Variants in ARVCF observed in about 807,000 individuals in gnomAD.
ARVCF encodes splicing regulator ARVCF.
Under a neutral mutation model 90.9 loss-of-function variants are expected in ARVCF, and 66 were observed. That is an observed-to-expected ratio of 0.73 (90% CI 0.60 to 0.89). ARVCF has a LOEUF of 0.89. ARVCF is among the 40% of genes least tolerant of loss of function. The probability of loss-of-function intolerance (pLI) is 0.00; values close to 1 mark genes in which losing one functional copy is unlikely to be tolerated. For synonymous variants in ARVCF, 653 were observed against 603.4 expected (o/e 1.08, Z -1.21); for missense variants, 1,469 against 1,382.3 (o/e 1.06, Z -1.00).
Position 19,973,290 on chromosome 22 carries a change from C to A in ARVCF, c.2267G>T (p.Arg756Leu). The change falls in exon 14 of 20, where the codon CGG becomes CTG. Residue 756 changes from arginine (R) to leucine (L), a missense_variant. By Grantham distance (102) the Arg-to-Leu change is moderately radical. Transcript: ENST00000263207. ...IGSYAMAELVRNVRNAQAPPR... is the reference protein window; with the variant it reads ...IGSYAMAELVLNVRNAQAPPR... ...CGGAGCCTGTGCATTGCGCACATTC[C>A]GCACAAGCTCAGCCATGGCGTAGCT... 5 of 1,604,802 alleles carry A rather than the reference C, an allele frequency of 3.1e-6. No homozygotes were observed. The highest frequency in any genetic ancestry group is 4.2e-6 in the Non-Finnish European group (5 of 1,178,342).
chr22:19,967,045 G>A (rs1351327876), downstream of ARVCF: 4 of 1,209,640 alleles, frequency 3.3e-6, no homozygotes, highest in Non-Finnish European at 4.2e-6. Context: ...GGCAGGACAG[G>A]TGCTGCCTTC....
In ARVCF at chr22:19,972,779, C is replaced by T. The variant is rs989771328; in HGVS notation, c.2599G>A (p.Gly867Ser). The change falls in exon 16 of 20, where the codon GGC becomes AGC. Residue 867 changes from glycine (G) to serine (S), a missense_variant. Physicochemically the swap from Gly to Ser is moderately conservative, Grantham distance 56 (BLOSUM62 0). Coordinates refer to ENST00000263207, the MANE Select transcript of ARVCF (RefSeq NM_001670.3). ...KGPKGALSPG[G>S]FDDSTLPLVD... is the part of the protein sequence containing the mutation. ...AGTGGCAGCGTGCTGTCATCGAAGC[C>T]CCCAGGACTCAGTGCTCCCTTAGGC... 5.6e-6 allele frequency: 9 copies of T among 1,613,414 alleles called. No homozygotes were observed. The highest frequency in any genetic ancestry group is 5.5e-5 in the South Asian group (5 of 91,064).
intron 1 of ARVCF, among the ~76,000 whole-genome samples, chr22:20,015,637 G>A (rs1470380855): frequency 2.6e-5 from 4 of 152,106 alleles, no homozygotes; most frequent in African/African-American, 9.7e-5. Flanking sequence ...GTCGGGAGAG[G>A]TGGAGGCTCC....
rs578096972 is a variant in ARVCF, at chr22:19,990,185, G to A, written c.210+400C>T. On this transcript the variant is annotated intron_variant, in intron 3 of 19. Coordinates refer to ENST00000263207, the MANE Select transcript of ARVCF (RefSeq NM_001670.3). Reference sequence around the variant, plus strand: ...ATGAGGCTCCCAGGTCAGCCTCTAAGCTGCAGGCAGAGCTCTGGGCCTCCT... The same window carrying A: ...ATGAGGCTCCCAGGTCAGCCTCTAAACTGCAGGCAGAGCTCTGGGCCTCCT... 2.6e-5 allele frequency among the ~76,000 whole-genome samples: 4 copies of A among 152,314 alleles called. No individual in the cohort carries two copies. The South Asian group carries it at 6.2e-4, about 24-fold the overall frequency.
intron 9 of ARVCF, 62 bp downstream of exon 9, chr22:19,977,353 G>C: frequency 6.8e-7 from 1 of 1,465,498 alleles, no homozygotes; most frequent in Non-Finnish European, 9.0e-7. Context: ...GGTGTACAGA[G>C]AGCCTTCCGC....
intron 2 of ARVCF, among the ~76,000 whole-genome samples, chr22:19,992,635 C>A (rs1223923185): frequency 6.6e-6 from 1 of 152,216 alleles, no homozygotes; most frequent in Admixed American, 6.5e-5. Context: ...CTCAGCCGAA[C>A]CTCAGAAGCA....
downstream of ARVCF, chr22:19,968,516 A>AC (rs778615118): frequency 1.9e-6 from 3 of 1,598,466 alleles, no homozygotes; most frequent in Non-Finnish European, 1.7e-6. Flanking sequence ...CACCTCCCCC[A>AC]CCCCCCGGTC....
At chr22:20,001,079 T>G (rs1331927279) in intron 2 of ARVCF, among the ~76,000 whole-genome samples, 1 of 152,246 alleles carries the variant, frequency 6.6e-6, no homozygotes, top group African/African-American at 2.4e-5. Context: ...TTATCCCACC[T>G]AGAAGTCCCG....
At chr22:19,971,373 C>T (rs952093208) in intron 18 of ARVCF, 38 bp from the exon 19 acceptor site, 2 of 1,535,472 alleles carry the variant, frequency 1.3e-6, no homozygotes, top group Non-Finnish European at 8.8e-7. Context: ...CACAATAGAG[C>T]AGGTTAGTTA....
chr22:19,970,147 G>A lies in ARVCF; in HGVS notation c.*609C>T, dbSNP rs953740158. On this transcript the variant is annotated 3_prime_UTR_variant, in exon 20 of 20. Coordinates refer to ENST00000263207, the MANE Select transcript of ARVCF (RefSeq NM_001670.3). ...CTGGAGAAAGGCTCTCTACTGCACA[G>A]GGGCCTCACGTGACTGCAGGGCTCT... 2 of 986,234 alleles carry A rather than the reference G, an allele frequency of 2.0e-6. No homozygotes were observed. The highest frequency in any genetic ancestry group is 2.4e-6 in the Non-Finnish European group (2 of 830,608). The allele number at this position is 986,234 out of a possible 1,614,324, so 61.1% of individuals were successfully genotyped here. A position where few individuals can be genotyped will look rare whatever the true frequency, so the allele number is the denominator to read the frequency against.
Position 19,971,211 on chromosome 22 carries a change from C to G in ARVCF, c.*12+5G>C. 1 of 1,552,110 alleles carries G rather than the reference C, an allele frequency of 6.4e-7. No homozygotes were observed. The highest frequency in any genetic ancestry group is 1.2e-5 in the South Asian group (1 of 84,084). ...GTGGACGAACAACCAGATGAGAGAA[C>G]GTACCAGGCATGCAAGCTAGACCCA... On this transcript the variant is annotated splice_donor_5th_base_variant and intron_variant, in intron 19 of 19. Transcript: ENST00000263207.
chr22:19,971,786 C>G (rs1208276695), intron 18 of ARVCF, 100 bp downstream of exon 18: 1 of 1,313,904 alleles, frequency 7.6e-7, no homozygotes, highest in African/African-American at 1.4e-5. Flanking sequence ...AGCTGTACCC[C>G]AGGGCCCAGA....
Position 19,974,234 on chromosome 22 carries a change from C to G in ARVCF, c.1966G>C (p.Glu656Gln). 6.2e-7 allele frequency: 1 copy of G among 1,608,118 alleles called. No homozygotes were observed. Among genetic ancestry groups the G allele is most frequent in the Non-Finnish European group, 8.5e-7 (1 of 1,176,836 alleles). ...ACCACCTCGGGCTGGTACAGCAGCT[C>G]AAAGCCTAGGTGCAGGGCAACCGCC... ...PKRTEAAKGF[E>Q]LLYQPEVVRL... The change falls in exon 12 of 20, where the codon GAG becomes CAG. Residue 656 changes from glutamate to glutamine, a missense_variant. By Grantham distance (29) the Glu-to-Gln change is conservative (BLOSUM62 2). Coordinates refer to ENST00000263207, the MANE Select transcript of ARVCF (RefSeq NM_001670.3).
In ARVCF at chr22:19,970,576, G is replaced by C; in HGVS notation, c.*180C>G. ...AGGCCTAGGGAGTTAGGTAGGATGG[G>C]GGGAGTGGGGTGGGGGGGCAGGAGG... On this transcript the variant is annotated 3_prime_UTR_variant, in exon 20 of 20. Coordinates refer to ENST00000263207, the MANE Select transcript of ARVCF (RefSeq NM_001670.3). The C allele has an allele frequency of 8.1e-7, 1 of 1,231,986 alleles. No homozygotes were observed. The highest frequency in any genetic ancestry group is 1.0e-6 in the Non-Finnish European group (1 of 962,144). The allele number at this position is 1,231,986 out of a possible 1,614,324, so 76.3% of individuals were successfully genotyped here.
intron 10 of ARVCF, 60 bp downstream of exon 10, chr22:19,976,646 C>T: frequency 6.5e-7 from 1 of 1,546,662 alleles, no homozygotes; most frequent in Non-Finnish European, 8.7e-7. Flanking sequence ...ACGTGCTCGC[C>T]TCTTCCCAGG....
chr22:19,973,332 T>TA lies in ARVCF; in HGVS notation c.2240-16dup. ...GGCGTAGCTCCCTGAGGGGCAGGACTAGGTGTCAGAACACACCTCTGCCCC... is the reference window on the plus strand; with the variant it reads ...GGCGTAGCTCCCTGAGGGGCAGGACTAAGGTGTCAGAACACACCTCTGCCCC... On this transcript the variant is annotated splice_polypyrimidine_tract_variant and intron_variant, in intron 13 of 19. Transcript: ENST00000263207. The TA allele has an allele frequency of 2.5e-6, 4 of 1,582,818 alleles. No homozygotes were observed. Among genetic ancestry groups the TA allele is most frequent in the Non-Finnish European group, 3.4e-6 (4 of 1,170,006 alleles).
intron 1 of ARVCF, among the ~76,000 whole-genome samples, chr22:20,014,175 C>G (rs1944938945): frequency 1.3e-5 from 2 of 151,204 alleles, no homozygotes; most frequent in South Asian, 4.2e-4. Context: ...CCACCGTGAC[C>G]AGCCCATCCT....
At chr22:19,977,719 A>G in intron 8 of ARVCF, 133 bp from the exon 9 acceptor site, 1 of 1,286,578 alleles carries the variant, frequency 7.8e-7, no homozygotes. Flanking sequence ...GGAGGGGAGC[A>G]AAAGGGCGGT....
In ARVCF at chr22:19,981,448, G is replaced by T; in HGVS notation, c.659C>A (p.Pro220Gln). 1 of 1,551,510 alleles carries T rather than the reference G, an allele frequency of 6.4e-7. No individual in the cohort carries two copies. The highest frequency in any genetic ancestry group is 2.3e-5 in the East Asian group (1 of 42,560). ...MRPPRAGPLGPGPGDGCFTLP... is the reference protein window; with the variant it reads ...MRPPRAGPLGQGPGDGCFTLP... ...TGTGAAGCAGCCATCACCAGGGCCT[G>T]GGCCAAGGGGGCCAGCACGTGGGGG... Residue 220 changes from proline (P) to glutamine (Q), a missense_variant, in exon 5 of 20, where the codon CCA (proline) becomes CAA (glutamine). Pro to Gln is a moderately conservative substitution (Grantham distance 76). Transcript: ENST00000263207.
Sources: allele counts gnomAD v4.1 joint callset (sites outside exome capture counted in the v4.1 genomes callset), GRCh38; gene constraint gnomAD v4.1.1; transcripts MANE v1.5; gene names NCBI Gene and HGNC (gene_info 2026-07-23, HGNC 2026-07-21).